DDX51: variants seen among roughly 807,000 people sequenced by gnomAD.
DDX51 encodes ATP-dependent RNA helicase DDX51.
DDX51 carries 67 observed loss-of-function variants against 74.6 expected under a neutral mutation model. That is an observed-to-expected ratio of 0.90 (90% CI 0.74 to 1.10). The LOEUF is 1.10. DDX51 is among the 50% of genes least tolerant of loss of function. The pLI is 0.00. For synonymous variants in DDX51, 545 were observed against 402.9 expected (o/e 1.35, Z -4.22); for missense variants, 1,056 against 905.2 (o/e 1.17, Z -2.14).
intron 12 of DDX51, 56 bp from the exon 13 acceptor site, chr12:132,139,980 G>C: frequency 6.2e-7 from 1 of 1,611,036 alleles, no homozygotes; most frequent in South Asian, 1.1e-5. Context: ...AGAGTCTGAC[G>C]GAACGACAGC....
chr12:132,140,888 CAG>C lies in DDX51; in HGVS notation c.1381_1382del (p.Leu461GlyfsTer30). On this transcript the variant is annotated frameshift_variant, in exon 9 of 15. Transcript: ENST00000397333. LOFTEE classifies it high-confidence loss of function. The stretch of plus-strand genomic sequence containing the variant: ...AATCCCCGTCCCCATCTGTATCTTC[CAG>C]GCCCCTGTGTGCTAGCCCTGTGGAG... ...LFSTGLAHRG[L>X]EDTDGDGDSG... is the part of the protein sequence containing the mutation. 6.2e-7 allele frequency: 1 copy of C among 1,613,552 alleles called. No homozygotes were observed. The highest frequency in any genetic ancestry group is 8.5e-7 in the Non-Finnish European group (1 of 1,179,980).
At chr12:132,139,979 C>G in intron 12 of DDX51, 55 bp from the exon 13 acceptor site, 6 of 1,611,076 alleles carry the variant, frequency 3.7e-6, no homozygotes, top group Non-Finnish European at 8.5e-7. Context: ...AAGAGTCTGA[C>G]GGAACGACAG....
rs199995098 is a variant in DDX51 at position 132,141,939 on chromosome 12, G to A, written c.906C>T (p.Asn302=). 1.2e-5 allele frequency: 19 copies of A among 1,612,414 alleles called. No individual in the cohort carries two copies. Among genetic ancestry groups the A allele is most frequent in the African/African-American group, 1.3e-5 (1 of 74,670 alleles). The part of the protein sequence containing the change: ...ELAQQVSKVF[N]IYTDATPLRV... ...TCAGAGGTGTGGCATCTGTGTAGATGTTGAAAACTTTGCTCACCTGCAGGA... is the reference window on the plus strand; with the variant it reads ...TCAGAGGTGTGGCATCTGTGTAGATATTGAAAACTTTGCTCACCTGCAGGA... The change falls in exon 6 of 15, where the codon AAC becomes AAT. Residue 302 remains asparagine (N), a synonymous_variant. Coordinates refer to ENST00000397333, the MANE Select transcript of DDX51 (RefSeq NM_175066.4).
At chr12:132,142,922 C>T (rs770297085) in intron 2 of DDX51, 44 bp from the exon 3 acceptor site, 12 of 1,608,838 alleles carry the variant, frequency 7.5e-6, no homozygotes, top group South Asian at 5.5e-5. Context: ...GCTTTCCAGG[C>T]TCTCGCGCAG....
At position 132,140,749 on chromosome 12, in the gene DDX51, A is replaced by G; in HGVS notation, c.1441-14T>C. 1 of 1,612,990 alleles carries G rather than the reference A, an allele frequency of 6.2e-7. No homozygotes were observed. ...CACGTAGTGGTGCTACAGGGACGGC[A>G]GGGGGTCGGGGTGGAGGTGAGGGTT... On this transcript the variant is annotated splice_polypyrimidine_tract_variant and intron_variant, in intron 9 of 14. Transcript: ENST00000397333.
chr12:132,142,795 GTCC>G lies in DDX51; in HGVS notation c.600_602del (p.Glu200del). 7 of 1,613,132 alleles carry G rather than the reference GTCC, an allele frequency of 4.3e-6. No individual in the cohort carries two copies. Among genetic ancestry groups the G allele is most frequent in the Non-Finnish European group, 5.1e-6 (6 of 1,180,022 alleles). ...GCAGGTCAGGATGGACGTCAGGGAT[GTCC>G]TCGATAGGAACCAGGTCTTCGGTGA... On this transcript the variant is annotated inframe_deletion, in exon 3 of 15. Transcript: ENST00000397333.
Position 132,137,377 on chromosome 12 carries a change from C to T in DDX51, c.*1895G>A, listed in dbSNP as rs993911990. ...TGTCGTGAGAAGTGATTTTGAACCC[C>T]GAGGTTAGAAAGGGAGCTATTTTTG... On this transcript the variant is annotated 3_prime_UTR_variant, in exon 15 of 15. Transcript: ENST00000397333. The T allele has an allele frequency of 6.6e-6, 1 of 152,162 alleles. No individual in the cohort carries two copies. Among genetic ancestry groups the T allele is most frequent in the Admixed American group, 6.5e-5 (1 of 15,284 alleles). 9.4% of individuals were successfully genotyped at this position (152,162 alleles called of 1,614,324 possible). A position where few individuals can be genotyped will look rare whatever the true frequency, so the allele number is the denominator to read the frequency against.
At chr12:132,141,059 G>A in intron 8 of DDX51, 39 bp from the exon 9 acceptor site, 1 of 1,556,982 alleles carries the variant, frequency 6.4e-7, no homozygotes, top group South Asian at 1.2e-5. Context: ...CCTACCAGTG[G>A]CTGCCCCGAA....
At position 132,142,193 on chromosome 12, in the gene DDX51, G is replaced by A. The variant is rs997273228; in HGVS notation, c.817-3C>T. On this transcript the variant is annotated splice_polypyrimidine_tract_variant and splice_region_variant and intron_variant, in intron 4 of 14. Transcript: ENST00000397333. ...CAGACCACTCTCGAAAGCAGGGCCTGAGGGGGAAGGAGCGCCTGCGTCAGC... is the reference window on the plus strand; with the variant it reads ...CAGACCACTCTCGAAAGCAGGGCCTAAGGGGGAAGGAGCGCCTGCGTCAGC... 2 of 1,570,942 alleles carry A rather than the reference G, an allele frequency of 1.3e-6. No individual in the cohort carries two copies. Among genetic ancestry groups the A allele is most frequent in the Admixed American group, 1.8e-5 (1 of 56,330 alleles).
chr12:132,141,309 G>C lies in DDX51; in HGVS notation c.1216C>G (p.Gln406Glu), dbSNP rs17853968. The C allele has an allele frequency of 6.3e-7, 1 of 1,597,804 alleles. No individual in the cohort carries two copies. Among genetic ancestry groups the C allele is most frequent in the Admixed American group, 1.7e-5 (1 of 59,834 alleles). The change falls in exon 8 of 15, where the codon CAG (glutamine) becomes GAG (glutamate). Residue 406 changes from glutamine (Q) to glutamate (E), a missense_variant. Coordinates refer to ENST00000397333, the MANE Select transcript of DDX51 (RefSeq NM_175066.4). Reference sequence around the variant, plus strand: ...GTCACAGCCTGGGCCTGCCTTCGCTGGAGCAGGGCACAGGGGTCCGCGGGG... The same window carrying C: ...GTCACAGCCTGGGCCTGCCTTCGCTCGAGCAGGGCACAGGGGTCCGCGGGG... ...EDPADPCALL[Q>E]RRQAQAVTAA... is the part of the protein sequence containing the mutation.
chr12:132,142,245 C>A, intron 4 of DDX51, 32 bp downstream of exon 4: 1 of 1,609,480 alleles, frequency 6.2e-7, no homozygotes, highest in Non-Finnish European at 8.5e-7. Context: ...CTCTGCACAC[C>A]CGCTGTAGAG....
At position 132,140,127 on chromosome 12, in the gene DDX51, G is replaced by T. The variant is rs377534239; in HGVS notation, c.1746C>A (p.Ala582=). The stretch of plus-strand genomic sequence containing the variant: ...GCACGTAGGTTCTCAGGTACTGGGG[G>T]GCGTCGTAGTTCACCACCAGCTCCA... ...QGVELVVNYD[A]PQYLRTYVHR... The change falls in exon 12 of 15, where the codon GCC becomes GCA. Residue 582 remains alanine (A), a synonymous_variant. Transcript: ENST00000397333. The T allele has an allele frequency of 6.7e-5, 108 of 1,612,598 alleles. No individual in the cohort carries two copies. In the African/African-American group the frequency reaches 1.2e-3, roughly 18 times the overall value.
intron 6 of DDX51, 49 bp downstream of exon 6, chr12:132,141,801 A>C: frequency 6.3e-7 from 1 of 1,592,598 alleles, no homozygotes. Context: ...GGCCACCTGC[A>C]GGGCTGAGCA....
At position 132,142,867 on chromosome 12, in the gene DDX51, G is replaced by C; in HGVS notation, c.531C>G (p.Phe177Leu). The C allele has an allele frequency of 6.2e-7, 1 of 1,612,758 alleles. No individual in the cohort carries two copies. The highest frequency in any genetic ancestry group is 8.5e-7 in the Non-Finnish European group (1 of 1,180,000). ...TAGGCTCAGCCAGCCACCTTGGCAG[G>C]AAAGGCTGGACCTGCCATCAAAAAG... ...GKRKAPKVQP[F>L]LPRWLAEPNC... Residue 177 changes from phenylalanine (F) to leucine (L), a missense_variant, in exon 3 of 15, where the codon TTC becomes TTG. Transcript: ENST00000397333.
rs367574820 is a variant in DDX51 at position 132,140,834 on chromosome 12, G to A, written c.1437C>T (p.Leu479=). 85 of 1,613,416 alleles carry A rather than the reference G, an allele frequency of 5.3e-5. No homozygotes were observed. The highest frequency in any genetic ancestry group is 6.8e-5 in the Non-Finnish European group (80 of 1,179,988). ...GCCCACACGGTATCCCACTCACCGT[G>A]AGCCCAACAGGAAAGGCATACTTCC... ...DSGKYAFPVG[L]THHYVPCSLS... is the part of the protein sequence containing the mutation. The change falls in exon 9 of 15, where the codon CTC becomes CTT. Residue 479 remains leucine, a synonymous_variant. Transcript: ENST00000397333.
Position 132,139,146 on chromosome 12 carries a change from T to C in DDX51, c.*126A>G. On this transcript the variant is annotated 3_prime_UTR_variant, in exon 15 of 15. Transcript: ENST00000397333. ...CTGCCTGGCGCAGAGACCACGTGCT[T>C]GGGGAGGAAGGCTGTGTCCACTGGG... 5 of 1,417,482 alleles carry C rather than the reference T, an allele frequency of 3.5e-6. No homozygotes were observed. The highest frequency in any genetic ancestry group is 4.8e-6 in the Non-Finnish European group (5 of 1,047,782). 87.8% of individuals were successfully genotyped at this position (1,417,482 alleles called of 1,614,324 possible). A position where few individuals can be genotyped will look rare whatever the true frequency, so the allele number is the denominator to read the frequency against.
chr12:132,143,488 G>A (rs1897562146), intron 2 of DDX51: 2 of 676,768 alleles, frequency 3.0e-6, no homozygotes, highest in African/African-American at 1.9e-5. Context: ...GCGGCGGGAG[G>A]ACAGGGGCAA....
intron 8 of DDX51, 105 bp downstream of exon 8, chr12:132,141,170 G>T (rs1450937768): frequency 2.1e-5 from 32 of 1,500,530 alleles, no homozygotes; most frequent in Non-Finnish European, 2.7e-5. Context: ...GCGGTTCTGT[G>T]CACCAGAGCT....
Position 132,142,196 on chromosome 12 carries a change from G to A in DDX51, c.817-6C>T, listed in dbSNP as rs780022017. On this transcript the variant is annotated splice_polypyrimidine_tract_variant and splice_region_variant and intron_variant, in intron 4 of 14. Transcript: ENST00000397333. ...ACCACTCTCGAAAGCAGGGCCTGAG[G>A]GGGAAGGAGCGCCTGCGTCAGCAAG... The A allele has an allele frequency of 2.3e-5, 36 of 1,572,824 alleles. No individual in the cohort carries two copies. The highest frequency in any genetic ancestry group is 1.7e-4 in the Middle Eastern group (1 of 5,854).
Sources: allele counts gnomAD v4.1 joint callset, GRCh38; gene constraint gnomAD v4.1.1; transcripts MANE v1.5; gene names NCBI Gene and HGNC (gene_info 2026-07-23, HGNC 2026-07-21).